CSMD1: variants seen among roughly 807,000 people sequenced by gnomAD.
CSMD1 encodes CUB and sushi domain-containing protein 1.
CSMD1 carries 213 observed loss-of-function variants against 417.5 expected under a neutral mutation model. That is an observed-to-expected ratio of 0.51 (90% CI 0.46 to 0.57). CSMD1 has a LOEUF of 0.57. CSMD1 is among the 20% of genes least tolerant of loss of function. CSMD1 has a pLI of 0.00. For missense variants in CSMD1, 6,923 were observed against 4,529.7 expected (o/e 1.53, Z -15.17); for synonymous variants, 2,862 against 1,736.8 (o/e 1.65, Z -16.11).
intron 7 of CSMD1, among the ~76,000 whole-genome samples, chr8:3,701,391 A>ATCT (rs1800857318): frequency 6.6e-6 from 1 of 152,138 alleles, no homozygotes; most frequent in African/African-American, 2.4e-5. Context: ...GATCCCAGAG[A>ATCT]GAGAACAGTT....
At chr8:4,669,481 G>A (rs540789151) in intron 1 of CSMD1, among the ~76,000 whole-genome samples, 8 of 152,266 alleles carry the variant, frequency 5.3e-5, no homozygotes, top group Middle Eastern at 3.4e-3. Flanking sequence ...GTGGACAACC[G>A]TATCTAGTCA....
At chr8:2,985,812 A>C (rs1805844480) in intron 54 of CSMD1, among the ~76,000 whole-genome samples, 1 of 151,982 alleles carries the variant, frequency 6.6e-6, no homozygotes. Context: ...TGGTACTTTC[A>C]ATTTATTCTA....
chr8:3,096,141 T>C lies in CSMD1; in HGVS notation c.7138+708A>G, dbSNP rs537281933. The stretch of plus-strand genomic sequence containing the variant: ...AAAGAGTTATTGAGATCATCTTCTC[T>C]AAATCACTGTGTTAAAAAAATCAAA... On this transcript the variant is annotated intron_variant, in intron 47 of 69. Transcript: ENST00000635120. Among the ~76,000 whole-genome samples, 6 of 152,322 alleles carry C rather than the reference T, an allele frequency of 3.9e-5. No homozygotes were observed. The South Asian group carries it at 1.2e-3, about 32-fold the overall frequency.
chr8:4,933,963 C>A (rs57262984), intron 1 of CSMD1, among the ~76,000 whole-genome samples: 2,654 of 152,048 alleles, frequency 0.017, 73 homozygotes, highest in African/African-American at 0.061. Flanking sequence ...TTTGCCCACA[C>A]AGTCACTCTC....
Position 3,091,656 on chromosome 8 carries a change from G to A in CSMD1, c.7145C>T (p.Ser2382Phe), listed in dbSNP as rs376999297. 1.9e-6 allele frequency: 3 copies of A among 1,607,562 alleles called. No individual in the cohort carries two copies. The highest frequency in any genetic ancestry group is 1.1e-5 in the South Asian group (1 of 89,666). ...GACTACTAGCAGAGGACTTTGCCCA[G>A]AAGAACCTAAGTGAAACAGAAAAAC... ...FDALEVFDGS[S>F]GQSPLLVVLS... Residue 2382 changes from serine (S) to phenylalanine (F), a missense_variant, in exon 48 of 70, where the codon TCT (serine) becomes TTT (phenylalanine). Coordinates refer to ENST00000635120, the MANE Select transcript of CSMD1 (RefSeq NM_033225.6).
chr8:3,566,759 A>T (rs911775756), intron 10 of CSMD1, among the ~76,000 whole-genome samples: 5 of 152,202 alleles, frequency 3.3e-5, no homozygotes, highest in African/African-American at 1.2e-4. Flanking sequence ...AATGGCTATT[A>T]TTAAAAAGTC....
intron 1 of CSMD1, among the ~76,000 whole-genome samples, chr8:4,844,443 T>A (rs1191937179): frequency 6.6e-6 from 1 of 152,142 alleles, no homozygotes; most frequent in Non-Finnish European, 1.5e-5. Flanking sequence ...ATTTTCGATT[T>A]TTCTTTACTC....
rs1040351513 is a variant in CSMD1 at position 4,697,164 on chromosome 8, T to C, written c.86-59606A>G. 3.3e-5 allele frequency among the ~76,000 whole-genome samples: 5 copies of C among 152,008 alleles called. No homozygotes were observed. In the East Asian group the frequency reaches 9.6e-4, roughly 29 times the overall value. On this transcript the variant is annotated intron_variant, in intron 1 of 69. Transcript: ENST00000635120. ...TACAGCCTGGGCAACAGAATGAGAC[T>C]CAGTCTCAAAAAAATAATAATAAAA... is the stretch of plus-strand genomic sequence containing the variant.
intron 3 of CSMD1, among the ~76,000 whole-genome samples, chr8:4,192,270 C>G (rs1584994658): frequency 1.3e-5 from 2 of 152,244 alleles, no homozygotes; most frequent in East Asian, 1.9e-4. Context: ...AGATGACTGT[C>G]TAGATAATAA....
At chr8:4,064,784 C>T (rs1056047553) in intron 3 of CSMD1, among the ~76,000 whole-genome samples, 5 of 152,170 alleles carry the variant, frequency 3.3e-5, no homozygotes, top group African/African-American at 9.7e-5. Flanking sequence ...CATTTAGAAA[C>T]AGCCTTCCTG....
intron 5 of CSMD1, among the ~76,000 whole-genome samples, chr8:3,928,094 G>C (rs1223719487): frequency 2.6e-5 from 4 of 152,000 alleles, no homozygotes; most frequent in Non-Finnish European, 2.9e-5. Flanking sequence ...GTTTATGAAA[G>C]TATAAAGGAC....
At chr8:3,478,954 G>A (rs1817582672) in intron 11 of CSMD1, among the ~76,000 whole-genome samples, 1 of 152,046 alleles carries the variant, frequency 6.6e-6, no homozygotes, top group African/African-American at 2.4e-5. Context: ...AGGTGACGGG[G>A]CACTGCAAAG....
At position 4,983,942 on chromosome 8, in the gene CSMD1, C is replaced by A. The variant is rs140523747; in HGVS notation, c.85+10390G>T. Among the ~76,000 whole-genome samples, 12 of 152,040 alleles carry A rather than the reference C, an allele frequency of 7.9e-5. No individual in the cohort carries two copies. The East Asian group carries it at 2.3e-3, about 29-fold the overall frequency. ...GGTGGAATAGAAAACTCCTCAATGGCGAGAAAACTGAAGGTATAGTTAGGG... is the reference window on the plus strand; with the variant it reads ...GGTGGAATAGAAAACTCCTCAATGGAGAGAAAACTGAAGGTATAGTTAGGG... On this transcript the variant is annotated intron_variant, in intron 1 of 69. Coordinates refer to ENST00000635120, the MANE Select transcript of CSMD1 (RefSeq NM_033225.6).
In CSMD1 at chr8:3,083,570, A is replaced by C. The variant is rs1282798308; in HGVS notation, c.7474+3527T>G. 2.3e-5 allele frequency among the ~76,000 whole-genome samples: 3 copies of C among 128,410 alleles called. No homozygotes were observed. In the Admixed American group the frequency reaches 2.6e-4, roughly 11 times the overall value. The allele number at this position is 128,410 out of a possible 152,430, so 84.2% of individuals were successfully genotyped here. On this transcript the variant is annotated intron_variant, in intron 49 of 69. Transcript: ENST00000635120. Reference sequence around the variant, plus strand: ...AGCCAAATGTGCAACTCTATATTCCAGGTCATGCTCTCCATCCACGGTGAC... The same window carrying C: ...AGCCAAATGTGCAACTCTATATTCCCGGTCATGCTCTCCATCCACGGTGAC...
chr8:3,951,762 A>G (rs1811615927), intron 5 of CSMD1, among the ~76,000 whole-genome samples: 1 of 152,192 alleles, frequency 6.6e-6, no homozygotes. Context: ...ATGAGTAGAA[A>G]ATGAGGGTGA....
chr8:4,410,334 T>G (rs992637432), intron 3 of CSMD1, among the ~76,000 whole-genome samples: 1 of 152,166 alleles, frequency 6.6e-6, no homozygotes, highest in Middle Eastern at 3.2e-3. Context: ...ATGGTCACAC[T>G]CATAGTGACT....
intron 5 of CSMD1, among the ~76,000 whole-genome samples, chr8:3,841,475 TC>T (rs1803128414): frequency 6.6e-6 from 1 of 152,128 alleles, no homozygotes; most frequent in African/African-American, 2.4e-5. Flanking sequence ...AGCACTGCAT[TC>T]CCCATTCCCT....
At chr8:4,671,145 C>T (rs1805299072) in intron 1 of CSMD1, among the ~76,000 whole-genome samples, 1 of 152,186 alleles carries the variant, frequency 6.6e-6, no homozygotes. Context: ...TCTTCAAATC[C>T]TGCGGCATGA....
At chr8:4,860,212 G>C (rs1180873604) in intron 1 of CSMD1, among the ~76,000 whole-genome samples, 2 of 134,002 alleles carry the variant, frequency 1.5e-5, no homozygotes, top group African/African-American at 5.7e-5. Context: ...ACTGAACAAG[G>C]AGATCACATG....
Sources: allele counts gnomAD v4.1 joint callset (sites outside exome capture counted in the v4.1 genomes callset), GRCh38; gene constraint gnomAD v4.1.1; transcripts MANE v1.5; gene names NCBI Gene and HGNC (gene_info 2026-07-23, HGNC 2026-07-21).